CNPY4: variants seen among roughly 807,000 people sequenced by gnomAD.
CNPY4 encodes canopy FGF signaling regulator 4.
In CNPY4, 33 loss-of-function variants were observed where a neutral mutation model predicts 30.1. The observed-to-expected ratio is 1.10, with a 90% CI of 0.83 to 1.46. The LOEUF is 1.46. Among genes scored for constraint, CNPY4 ranks in the 40% most tolerant of loss-of-function variants. The pLI is 0.00. For synonymous variants in CNPY4, 109 were observed against 110.1 expected, an observed-to-expected ratio of 0.99 and a Z score of 0.06; for missense variants, 324 against 302.6, an observed-to-expected ratio of 1.07 and a Z score of -0.52.
At position 100,119,797 on chromosome 7, in the gene CNPY4, A is replaced by G. The variant is rs1391825746; in HGVS notation, c.53A>G (p.Glu18Gly). ...ILLFLFLAVH[E>G]AWAGMLKEED... ...CTTTTCCTTTTTTTGGCCGTGCACGAGGCTTGGGCTGGGATGTTGAAGGAG... is the reference window on the plus strand; with the variant it reads ...CTTTTCCTTTTTTTGGCCGTGCACGGGGCTTGGGCTGGGATGTTGAAGGAG... Residue 18 changes from glutamate (E) to glycine (G), a missense_variant, in exon 1 of 6, where the codon GAG (glutamate) becomes GGG (glycine). Coordinates refer to ENST00000262932, the MANE Select transcript of CNPY4 (RefSeq NM_152755.2). The G allele has an allele frequency of 1.9e-6, 3 of 1,614,024 alleles. No individual in the cohort carries two copies. The highest frequency in any genetic ancestry group is 3.3e-5 in the Admixed American group (2 of 59,966).
Position 100,124,941 on chromosome 7 carries a change from G to A in CNPY4, c.*53G>A, listed in dbSNP as rs1053619205. ...AAGGGATCATGGAGAGCCCTCTAAA[G>A]CCTGCACTCTCCCTGCTCCACAGCT... is the stretch of plus-strand genomic sequence containing the variant. On this transcript the variant is annotated 3_prime_UTR_variant, in exon 6 of 6. Coordinates refer to ENST00000262932, the MANE Select transcript of CNPY4 (RefSeq NM_152755.2). 5 of 1,525,558 alleles carry A rather than the reference G, an allele frequency of 3.3e-6. No individual in the cohort carries two copies. The South Asian group carries it at 6.6e-5, about 20-fold the overall frequency. The allele number at this position is 1,525,558 out of a possible 1,614,324, so 94.5% of individuals were successfully genotyped here. A position where few individuals can be genotyped will look rare whatever the true frequency, so the allele number is the denominator to read the frequency against.
chr7:100,121,976 G>A (rs1042822193), intron 1 of CNPY4: 1 of 322,472 alleles, frequency 3.1e-6, no homozygotes, highest in Admixed American at 4.7e-5. Flanking sequence ...CGTGAACCCA[G>A]GAGGCGGAGC....
At position 100,124,810 on chromosome 7, in the gene CNPY4, G is replaced by A. The variant is rs368820199; in HGVS notation, c.669G>A (p.Glu223=). The change falls in exon 6 of 6, where the codon GAG becomes GAA. Residue 223 remains glutamate (E), a synonymous_variant. Coordinates refer to ENST00000262932, the MANE Select transcript of CNPY4 (RefSeq NM_152755.2). Reference sequence around the variant, plus strand: ...GGGAGGAAGAGCAGGAGGAGGAGGAGGAAGAGGAGGAAGAGGAAGGGGGAG... The same window carrying A: ...GGGAGGAAGAGCAGGAGGAGGAGGAAGAAGAGGAGGAAGAGGAAGGGGGAG... ...TEGEEEQEEE[E]EEEEEEGGDK... is the part of the protein sequence containing the mutation. 5.6e-6 allele frequency: 9 copies of A among 1,611,742 alleles called. No individual in the cohort carries two copies. The African/African-American group carries it at 8.0e-5, about 14-fold the overall frequency.
intron 1 of CNPY4, among the ~76,000 whole-genome samples, chr7:100,120,971 G>A (rs1798021752): frequency 6.6e-6 from 1 of 151,412 alleles, no homozygotes; most frequent in East Asian, 1.9e-4. Context: ...AATAACTGCA[G>A]GATAACAGTG....
At chr7:100,121,116 A>ATATATTTTTTTTTTTTT (rs1584585316) in intron 1 of CNPY4, 1 of 52,778 alleles carries the variant, frequency 1.9e-5, no homozygotes, top group Non-Finnish European at 3.2e-5. Context: ...ATATATATAT[A>ATATATTTTTTTTTTTTT]TTTTTTTTTT....
At chr7:100,121,631 G>A (rs1041302618) in intron 1 of CNPY4, among the ~76,000 whole-genome samples, 2 of 151,456 alleles carry the variant, frequency 1.3e-5, no homozygotes, top group African/African-American at 4.9e-5. Flanking sequence ...TTTTAATAGA[G>A]ATGGGGTTTC....
chr7:100,122,604 C>G lies in CNPY4; in HGVS notation c.342+27C>G, dbSNP rs185944409. The G allele has an allele frequency of 3.2e-6, 5 of 1,565,778 alleles. No individual in the cohort carries two copies. In the African/African-American group the frequency reaches 6.8e-5, roughly 21 times the overall value. ...TCAGACCCTTCCCCAGGGCAGGACC[C>G]CACTTCTCAGATACAAAGATCTGTA... is the stretch of plus-strand genomic sequence containing the variant. On this transcript the variant is annotated intron_variant, in intron 3 of 5. Coordinates refer to ENST00000262932, the MANE Select transcript of CNPY4 (RefSeq NM_152755.2).
rs371203120 is a variant in CNPY4 at position 100,124,859 on chromosome 7, C to T, written c.718C>T (p.His240Tyr). Residue 240 changes from histidine (H) to tyrosine (Y), a missense_variant, in exon 6 of 6, where the codon CAC becomes TAC. His to Tyr is a moderately conservative substitution (Grantham distance 83, BLOSUM62 2). Coordinates refer to ENST00000262932, the MANE Select transcript of CNPY4 (RefSeq NM_152755.2). ...GGDKMTKTGSHPKLDREDL is the reference protein window; with the variant it reads ...GGDKMTKTGSYPKLDREDL ...AGACAAGATGACCAAGACAGGAAGC[C>T]ACCCCAAACTTGACCGAGAAGATCT... 3.0e-5 allele frequency: 48 copies of T among 1,605,428 alleles called. No homozygotes were observed. In the African/African-American group the frequency reaches 3.2e-4, roughly 11 times the overall value.
At chr7:100,121,116 A>ATATATTTT (rs1584585316) in intron 1 of CNPY4, 19 of 52,780 alleles carry the variant, frequency 3.6e-4, no homozygotes, top group Admixed American at 5.5e-4. Context: ...ATATATATAT[A>ATATATTTT]TTTTTTTTTT....
intron 4 of CNPY4, among the ~76,000 whole-genome samples, chr7:100,123,766 C>T (rs887228466): frequency 6.6e-6 from 1 of 152,156 alleles, no homozygotes; most frequent in Non-Finnish European, 1.5e-5. Flanking sequence ...GTGATCCACC[C>T]GCCTTGGCCT....
rs1184064857 is a variant in CNPY4 at position 100,119,754 on chromosome 7, G to C, written c.10G>C (p.Val4Leu). ...TAGACGGCGCTTTGTCATGGGACCTGTGCGGTTGGGAATATTGCTTTTCCT... is the reference window on the plus strand; with the variant it reads ...TAGACGGCGCTTTGTCATGGGACCTCTGCGGTTGGGAATATTGCTTTTCCT... MGP[V>L]RLGILLFLFL... The change falls in exon 1 of 6, where the codon GTG becomes CTG. Residue 4 changes from valine to leucine, a missense_variant. Val to Leu is a conservative substitution (Grantham distance 32, BLOSUM62 1). Transcript: ENST00000262932. 1 of 1,614,214 alleles carries C rather than the reference G, an allele frequency of 6.2e-7. No individual in the cohort carries two copies. Among genetic ancestry groups the C allele is most frequent in the South Asian group, 1.1e-5 (1 of 91,086 alleles).
intron 1 of CNPY4, chr7:100,121,110 ATATATATT>A (rs1798037490): frequency 3.5e-5 from 1 of 28,386 alleles, no homozygotes; most frequent in Non-Finnish European, 6.9e-5. Flanking sequence ...ATATATATAT[ATATATATT>A]TTTTTTTTTT....
At position 100,124,846 on chromosome 7, in the gene CNPY4, C is replaced by T. The variant is rs150361259; in HGVS notation, c.705C>T (p.Thr235=). The change falls in exon 6 of 6, where the codon ACC becomes ACT. Residue 235 remains threonine, a synonymous_variant. Transcript: ENST00000262932. ...EEEEEGGDKM[T]KTGSHPKLDR... is the part of the protein sequence containing the mutation. Reference sequence around the variant, plus strand: ...AAGAGGAAGGGGGAGACAAGATGACCAAGACAGGAAGCCACCCCAAACTTG... The same window carrying T: ...AAGAGGAAGGGGGAGACAAGATGACTAAGACAGGAAGCCACCCCAAACTTG... 2.5e-4 allele frequency: 407 copies of T among 1,608,454 alleles called. No individual in the cohort carries two copies. Among genetic ancestry groups the T allele is most frequent in the Non-Finnish European group, 3.3e-4 (392 of 1,177,366 alleles).
Position 100,122,291 on chromosome 7 carries a change from G to C in CNPY4, c.151G>C (p.Glu51Gln), listed in dbSNP as rs1329721049. The change falls in exon 2 of 6, where the codon GAA becomes CAA. Residue 51 changes from glutamate (E) to glutamine (Q), a missense_variant. Physicochemically the swap from Glu to Gln is conservative, Grantham distance 29 (BLOSUM62 2). Coordinates refer to ENST00000262932, the MANE Select transcript of CNPY4 (RefSeq NM_152755.2). ...CKLLSTELQAELSRTGRSREV... is the reference protein window; with the variant it reads ...CKLLSTELQAQLSRTGRSREV... ...GCTGCTGAGCACAGAGCTACAGGCGGAACTGAGTCGCACCGGTCGATCTCG... is the reference window on the plus strand; with the variant it reads ...GCTGCTGAGCACAGAGCTACAGGCGCAACTGAGTCGCACCGGTCGATCTCG... 1.9e-6 allele frequency: 3 copies of C among 1,613,996 alleles called. No homozygotes were observed. Among genetic ancestry groups the C allele is most frequent in the African/African-American group, 1.3e-5 (1 of 74,906 alleles).
At position 100,119,861 on chromosome 7, in the gene CNPY4, A is replaced by C; in HGVS notation, c.117A>C (p.Glu39Asp). Reference protein sequence around the residue: ...DDTERLPSKCEVCKLLSTELQ... With the variant: ...DDTERLPSKCDVCKLLSTELQ... ...CAGAACGCTTGCCCAGCAAATGCGA[A>C]GGTATTTGAAGGGGGTAGCCCCTAT... The change falls in exon 1 of 6, where the codon GAA becomes GAC. Residue 39 changes from glutamate (E) to aspartate (D), a missense_variant and splice_region_variant. Transcript: ENST00000262932. 1.2e-6 allele frequency: 2 copies of C among 1,611,192 alleles called. No individual in the cohort carries two copies. Among genetic ancestry groups the C allele is most frequent in the Non-Finnish European group, 1.7e-6 (2 of 1,178,718 alleles).
intron 1 of CNPY4, among the ~76,000 whole-genome samples, chr7:100,120,973 A>G (rs1360576683): frequency 6.6e-6 from 1 of 151,714 alleles, no homozygotes; most frequent in East Asian, 1.9e-4. Flanking sequence ...TAACTGCAGG[A>G]TAACAGTGAA....
chr7:100,123,079 C>T (rs1320020443), intron 4 of CNPY4, among the ~76,000 whole-genome samples, 173 bp downstream of exon 4: 1 of 152,106 alleles, frequency 6.6e-6, no homozygotes, highest in African/African-American at 2.4e-5. Context: ...CGGTGGCTCA[C>T]ACCTGTAATC....
chr7:100,119,788 C>T lies in CNPY4; in HGVS notation c.44C>T (p.Ala15Val), dbSNP rs762703379. The T allele has an allele frequency of 3.7e-6, 6 of 1,613,770 alleles. No individual in the cohort carries two copies. Among genetic ancestry groups the T allele is most frequent in the Admixed American group, 1.7e-5 (1 of 59,910 alleles). Residue 15 changes from alanine to valine, a missense_variant, in exon 1 of 6, where the codon GCC (alanine) becomes GTC (valine). Coordinates refer to ENST00000262932, the MANE Select transcript of CNPY4 (RefSeq NM_152755.2). The part of the protein sequence containing the change: ...RLGILLFLFL[A>V]VHEAWAGMLK... ...GGAATATTGCTTTTCCTTTTTTTGG[C>T]CGTGCACGAGGCTTGGGCTGGGATG...
At chr7:100,121,364 C>G (rs1798064511) in intron 1 of CNPY4, 1 of 151,548 alleles carries the variant, frequency 6.6e-6, no homozygotes, top group Non-Finnish European at 1.5e-5. Flanking sequence ...GTCTCAATCT[C>G]TTGACCTCGT....
Sources: allele counts gnomAD v4.1 joint callset (sites outside exome capture counted in the v4.1 genomes callset), GRCh38; gene constraint gnomAD v4.1.1; transcripts MANE v1.5; gene names NCBI Gene and HGNC (gene_info 2026-07-23, HGNC 2026-07-21).